The following PTPRN2 variants were observed in gnomAD, a reference collection of about 807,000 sequenced individuals.
PTPRN2 encodes receptor-type tyrosine-protein phosphatase N2.
PTPRN2 carries 74 observed loss-of-function variants against 118.8 expected under a neutral mutation model. That is an observed-to-expected ratio of 0.62 (90% CI 0.52 to 0.76). PTPRN2 has a LOEUF of 0.76. Among genes scored for constraint, PTPRN2 ranks in the 30% least tolerant of loss-of-function variants. The pLI, the probability that PTPRN2 is intolerant of heterozygous loss-of-function variation, is 0.00. For synonymous variants in PTPRN2, 641 were observed against 608.0 expected (o/e 1.05, Z -0.80); for missense variants, 1,481 against 1,394.4 (o/e 1.06, Z -0.99).
chr7:157,737,713 GC>G (rs1292164259), intron 12 of PTPRN2, among the ~76,000 whole-genome samples: 1 of 152,238 alleles, frequency 6.6e-6, no homozygotes, highest in Non-Finnish European at 1.5e-5. Context: ...CAGAGGAAGG[GC>G]CCTGGTCCTC....
At chr7:157,842,604 G>A (rs1217169321) in intron 12 of PTPRN2, among the ~76,000 whole-genome samples, 4 of 151,870 alleles carry the variant, frequency 2.6e-5, no homozygotes, top group Non-Finnish European at 4.4e-5. Flanking sequence ...TAGTAGAGAT[G>A]GGGTTTCACC....
At position 157,874,898 on chromosome 7, in the gene PTPRN2, CACAT is replaced by C. The variant is rs1230896238; in HGVS notation, c.1788+23771_1788+23774del. ...ATACACACACGGAGACACACTCGTG[CACAT>C]ACACACACACTCATGCACATACACA... On this transcript the variant is annotated intron_variant, in intron 12 of 22. Transcript: ENST00000389418. The surrounding 1 kb of genome is among the most constrained non-coding windows in gnomAD (Gnocchi z 5.8). 1.3e-5 allele frequency among the ~76,000 whole-genome samples: 2 copies of C among 152,014 alleles called. No homozygotes were observed. The highest frequency in any genetic ancestry group is 4.8e-5 in the African/African-American group (2 of 41,318).
rs187732602 is a variant in PTPRN2 at position 157,723,617 on chromosome 7, G to A, written c.1789-40680C>T. 3.3e-3 allele frequency among the ~76,000 whole-genome samples: 504 copies of A among 152,280 alleles called. 3 individuals carry two copies. The highest frequency in any genetic ancestry group is 0.012 in the African/African-American group (494 of 41,560). On this transcript the variant is annotated intron_variant, in intron 12 of 22. Transcript: ENST00000389418. ...CCTGTCCATCCTTGTCCCCGGAGACGCTGTCATCCCACCCAAGTGACCTGC... is the reference window on the plus strand; with the variant it reads ...CCTGTCCATCCTTGTCCCCGGAGACACTGTCATCCCACCCAAGTGACCTGC...
intron 16 of PTPRN2, among the ~76,000 whole-genome samples, chr7:157,601,891 G>A (rs541186328): frequency 4.8e-4 from 73 of 152,280 alleles, no homozygotes; most frequent in Non-Finnish European, 8.1e-4. Context: ...TCCTTCGGAC[G>A]GTTTCGTGTT....
rs1829414897 is a variant in PTPRN2, at chr7:158,234,690, T to C, written c.278-29417A>G. On this transcript the variant is annotated intron_variant, in intron 3 of 22. Coordinates refer to ENST00000389418, the MANE Select transcript of PTPRN2 (RefSeq NM_002847.5). The stretch of plus-strand genomic sequence containing the variant: ...TAGTCATCAAATAAAAACTTACAAA[T>C]GGCCAACAGATATAGTCATCAGAGA... Among the ~76,000 whole-genome samples, 4 of 152,124 alleles carry C rather than the reference T, an allele frequency of 2.6e-5. No homozygotes were observed. The South Asian group carries it at 8.3e-4, about 32-fold the overall frequency.
At position 157,780,344 on chromosome 7, in the gene PTPRN2, C is replaced by T. The variant is rs551232089; in HGVS notation, c.1789-97407G>A. On this transcript the variant is annotated intron_variant, in intron 12 of 22. Coordinates refer to ENST00000389418, the MANE Select transcript of PTPRN2 (RefSeq NM_002847.5). This position sits in a 1 kb window ranked among gnomAD's most constrained non-coding sequence, Gnocchi z 4.5. ...ACTCTGAAGGTGAAGCTTTAGGTGA[C>T]GTCGAAGCATCCAGCCATATCTGTC... 2.7e-4 allele frequency among the ~76,000 whole-genome samples: 41 copies of T among 152,288 alleles called. No individual in the cohort carries two copies. Among genetic ancestry groups the T allele is most frequent in the Non-Finnish European group, 4.7e-4 (32 of 68,030 alleles).
intron 14 of PTPRN2, among the ~76,000 whole-genome samples, chr7:157,653,136 C>G (rs1805784625): frequency 6.6e-6 from 1 of 152,236 alleles, no homozygotes; most frequent in Non-Finnish European, 1.5e-5. Context: ...CCGGCCTCTC[C>G]CACCTGCTGG....
rs774819379 is a variant in PTPRN2 at position 158,138,413 on chromosome 7, C to T, written c.1013G>A (p.Gly338Asp). ...ELDGMAELMA[G>D]LMQGVDHGVA... ...TCCATGGTCCACGCCTTGCATCAGG[C>T]CAGCCATCAGCTCAGCCATGCCGTC... is the stretch of plus-strand genomic sequence containing the variant. The change falls in exon 7 of 23, where the codon GGC (glycine) becomes GAC (aspartate). Residue 338 changes from glycine (G) to aspartate (D), a missense_variant. Gly to Asp is a moderately conservative substitution (Grantham distance 94). Coordinates refer to ENST00000389418, the MANE Select transcript of PTPRN2 (RefSeq NM_002847.5). 16 of 1,613,482 alleles carry T rather than the reference C, an allele frequency of 9.9e-6. No individual in the cohort carries two copies. The highest frequency in any genetic ancestry group is 1.7e-5 in the Admixed American group (1 of 60,004).
chr7:158,208,231 G>A (rs762017617), intron 3 of PTPRN2, among the ~76,000 whole-genome samples: 3 of 152,188 alleles, frequency 2.0e-5, no homozygotes, highest in Non-Finnish European at 4.4e-5. Flanking sequence ...AGAAAGTTTA[G>A]TTGAAAGGAT....
At position 157,785,100 on chromosome 7, in the gene PTPRN2, T is replaced by C. The variant is rs1803943279; in HGVS notation, c.1789-102163A>G. ...TAGGAGTTGAACAAAGCTGTGTGTG[T>C]GTTTCCAGAATGTTGGCACAGCGGC... On this transcript the variant is annotated intron_variant, in intron 12 of 22. Transcript: ENST00000389418. This position sits in a 1 kb window ranked among gnomAD's most constrained non-coding sequence, Gnocchi z 7.3. 6.6e-6 allele frequency among the ~76,000 whole-genome samples: 1 copy of C among 151,912 alleles called. No individual in the cohort carries two copies. Among genetic ancestry groups the C allele is most frequent in the South Asian group, 2.1e-4 (1 of 4,786 alleles).
chr7:158,454,304 AACAC>A (rs1219083012), intron 2 of PTPRN2, among the ~76,000 whole-genome samples: 4 of 151,182 alleles, frequency 2.6e-5, no homozygotes, highest in African/African-American at 7.3e-5. Flanking sequence ...GACAAGACAC[AACAC>A]ACACAATCAC....
At chr7:158,238,761 C>G (rs1052056156) in intron 3 of PTPRN2, among the ~76,000 whole-genome samples, 1 of 152,114 alleles carries the variant, frequency 6.6e-6, no homozygotes, top group African/African-American at 2.4e-5. Context: ...GGATTCAGTC[C>G]TGAGGGGCAG....
chr7:158,331,066 C>T (rs370960386), intron 2 of PTPRN2, among the ~76,000 whole-genome samples: 1 of 138,188 alleles, frequency 7.2e-6, no homozygotes, highest in Non-Finnish European at 1.6e-5. Context: ...GTCACTCACA[C>T]CCACACTCTC....
At chr7:157,962,243 G>T (rs6952971) in intron 11 of PTPRN2, among the ~76,000 whole-genome samples, 2 of 151,396 alleles carry the variant, frequency 1.3e-5, no homozygotes, top group Admixed American at 1.3e-4. Context: ...ACAAATATTT[G>T]TGTGTTTCCT....
At chr7:157,949,308 G>A (rs753189015) in intron 11 of PTPRN2, among the ~76,000 whole-genome samples, 32 of 152,186 alleles carry the variant, frequency 2.1e-4, no homozygotes, top group Non-Finnish European at 3.4e-4. Context: ...CCACTGAATT[G>A]TTCATTTTTA....
intron 2 of PTPRN2, among the ~76,000 whole-genome samples, chr7:158,327,013 TCA>T (rs1191722469): frequency 6.7e-6 from 1 of 148,270 alleles, no homozygotes; most frequent in Non-Finnish European, 1.5e-5. Context: ...ACATGCATTC[TCA>T]CATATATACA....
chr7:158,054,120 C>T (rs992892227), intron 11 of PTPRN2, among the ~76,000 whole-genome samples: 2 of 152,106 alleles, frequency 1.3e-5, no homozygotes, highest in African/African-American at 2.4e-5. Context: ...CCCAGAGATG[C>T]AGAGACCCTA....
At position 158,330,940 on chromosome 7, in the gene PTPRN2, C is replaced by A. The variant is rs1233357273; in HGVS notation, c.164-14008G>T. Among the ~76,000 whole-genome samples the A allele has an allele frequency of 1.8e-5, 2 of 112,030 alleles. 1 individual carries two copies. The highest frequency in any genetic ancestry group is 3.7e-5 in the Non-Finnish European group (2 of 54,190). The allele number at this position is 112,030 out of a possible 152,430, so 73.5% of individuals were successfully genotyped here. On this transcript the variant is annotated intron_variant, in intron 2 of 22. Transcript: ENST00000389418. ...GACGTCACTCACACCCACACTCTCA[C>A]GATAAGAGCTGTCACACGCAGACGA...
chr7:158,478,423 T>C (rs115686754), intron 2 of PTPRN2, among the ~76,000 whole-genome samples: 2,440 of 150,954 alleles, frequency 0.016, 62 homozygotes, highest in South Asian at 0.063. Context: ...TGGGGAAGAG[T>C]GGGAAAGGAA....
Sources: allele counts gnomAD v4.1 joint callset (sites outside exome capture counted in the v4.1 genomes callset), GRCh38; gene constraint gnomAD v4.1.1; non-coding constraint Gnocchi (gnomAD v3.1); transcripts MANE v1.5; gene names NCBI Gene and HGNC (gene_info 2026-07-23, HGNC 2026-07-21).